The following KDM4C variants were observed in gnomAD, a reference collection of about 807,000 sequenced individuals.
KDM4C encodes lysine demethylase 4C, also known as lysine-specific demethylase 4C.
KDM4C carries 81 observed loss-of-function variants against 129.3 expected under a neutral mutation model. The ratio of observed to expected loss-of-function variants is 0.63; its 90% confidence interval spans 0.52 to 0.75. The LOEUF (loss-of-function observed/expected upper bound fraction) is 0.75, where lower values mean the gene tolerates loss of function less well. Among genes scored for constraint, KDM4C ranks in the 30% least tolerant of loss-of-function variants. The probability of loss-of-function intolerance (pLI) is 0.00; values close to 1 mark genes in which losing one functional copy is unlikely to be tolerated. For missense variants in KDM4C, 1,457 were observed against 1,304.0 expected, an observed-to-expected ratio of 1.12 and a Z score of -1.81; for synonymous variants, 573 against 456.1, an observed-to-expected ratio of 1.26 and a Z score of -3.26.
intron 15 of KDM4C, among the ~76,000 whole-genome samples, chr9:7,031,049 G>A (rs990832159): frequency 6.6e-6 from 1 of 151,900 alleles, no homozygotes; most frequent in Admixed American, 6.6e-5. Context: ...TCCCAAAATG[G>A]TTTTAAGAAA....
At chr9:6,806,945 C>T (rs1237123742) in intron 3 of KDM4C, among the ~76,000 whole-genome samples, 1 of 151,332 alleles carries the variant, frequency 6.6e-6, no homozygotes, top group African/African-American at 2.5e-5. Flanking sequence ...CCCTCTCATG[C>T]GGAGCGGAAG....
At chr9:7,020,140 A>AT (rs1474388933) in intron 15 of KDM4C, among the ~76,000 whole-genome samples, 5 of 152,156 alleles carry the variant, frequency 3.3e-5, no homozygotes, top group African/African-American at 1.2e-4. Flanking sequence ...TTAAAATAAA[A>AT]ACCAAAATAT....
chr9:7,154,330 G>C (rs1279609113), intron 19 of KDM4C, among the ~76,000 whole-genome samples: 1 of 152,240 alleles, frequency 6.6e-6, no homozygotes, highest in East Asian at 1.9e-4. Flanking sequence ...TTCTCCCCAA[G>C]GGGGACTGCC....
At chr9:6,923,396 C>CT (rs1417030701) in intron 8 of KDM4C, among the ~76,000 whole-genome samples, 2 of 151,930 alleles carry the variant, frequency 1.3e-5, no homozygotes, top group South Asian at 2.1e-4. Flanking sequence ...TTTATACTGA[C>CT]TTTTTTTCTG....
At chr9:6,996,640 G>A (rs1819801951) in intron 12 of KDM4C, among the ~76,000 whole-genome samples, 1 of 152,134 alleles carries the variant, frequency 6.6e-6, no homozygotes, top group Non-Finnish European at 1.5e-5. Context: ...CGTGAGCATG[G>A]CATTTGCTGA....
At chr9:6,968,169 C>A (rs1831330792) in intron 8 of KDM4C, among the ~76,000 whole-genome samples, 1 of 152,142 alleles carries the variant, frequency 6.6e-6, no homozygotes, top group South Asian at 2.1e-4. Context: ...ACCTTATGAA[C>A]TTAGAAAACT....
chr9:7,163,467 G>T (rs923357499), intron 19 of KDM4C, among the ~76,000 whole-genome samples: 4 of 152,140 alleles, frequency 2.6e-5, no homozygotes, highest in African/African-American at 9.7e-5. Flanking sequence ...AAGAGGGGGT[G>T]AAGATGAGCC....
chr9:7,160,490 T>C lies in KDM4C; in HGVS notation c.2782-4748T>C, dbSNP rs562263283. 1.1e-3 allele frequency among the ~76,000 whole-genome samples: 174 copies of C among 152,360 alleles called. 1 individual carries two copies. Among genetic ancestry groups the C allele is most frequent in the African/African-American group, 4.0e-3 (166 of 41,592 alleles). ...TTTATCTACCTTTGGTCTTTGATGT[T>C]GGTGACCTACAGATCGGGTTTTGGC... On this transcript the variant is annotated intron_variant, in intron 19 of 21. Coordinates refer to ENST00000381309, the MANE Select transcript of KDM4C (RefSeq NM_015061.6).
At chr9:6,814,119 C>G (rs1313059267) in intron 3 of KDM4C, among the ~76,000 whole-genome samples, 2 of 152,040 alleles carry the variant, frequency 1.3e-5, no homozygotes, top group Non-Finnish European at 2.9e-5. Context: ...GTTTTGCCAG[C>G]TTATATTCCC....
chr9:6,859,133 T>C (rs1840457997), intron 5 of KDM4C, among the ~76,000 whole-genome samples: 1 of 152,108 alleles, frequency 6.6e-6, no homozygotes, highest in South Asian at 2.1e-4. Flanking sequence ...TCCATTTCAT[T>C]TAGTGAAGTC....
intron 8 of KDM4C, among the ~76,000 whole-genome samples, chr9:6,917,340 T>C (rs909618757): frequency 2.6e-4 from 39 of 152,214 alleles, no homozygotes; most frequent in African/African-American, 8.9e-4. Context: ...TGGACCCCAG[T>C]AGGGTTTAAA....
chr9:6,931,508 T>TA (rs1563834808), intron 8 of KDM4C, among the ~76,000 whole-genome samples: 28 of 151,556 alleles, frequency 1.8e-4, no homozygotes, highest in South Asian at 4.2e-4. Context: ...ATATATATAT[T>TA]TTTTTTTCAT....
chr9:7,043,009 G>C (rs1461622204), intron 15 of KDM4C, among the ~76,000 whole-genome samples: 3 of 152,062 alleles, frequency 2.0e-5, no homozygotes, highest in Non-Finnish European at 4.4e-5. Flanking sequence ...GTCTAAACTA[G>C]TAAATATCTA....
At chr9:6,952,388 A>T (rs1303631997) in intron 8 of KDM4C, among the ~76,000 whole-genome samples, 1 of 145,446 alleles carries the variant, frequency 6.9e-6, no homozygotes, top group Non-Finnish European at 1.5e-5. Context: ...TGATATGGGA[A>T]ATTGTTCACA....
At chr9:6,928,763 T>C (rs1823097569) in intron 8 of KDM4C, among the ~76,000 whole-genome samples, 1 of 152,220 alleles carries the variant, frequency 6.6e-6, no homozygotes, top group African/African-American at 2.4e-5. Context: ...ACTTTTTAAC[T>C]ACCTTGGAGG....
intron 17 of KDM4C, among the ~76,000 whole-genome samples, chr9:7,058,754 C>G (rs1377690141): frequency 6.6e-6 from 1 of 152,176 alleles, no homozygotes; most frequent in African/African-American, 2.4e-5. Context: ...ATAGGAAATA[C>G]TTAGAAAGCA....
At chr9:7,164,892 A>G (rs1587955100) in intron 19 of KDM4C, among the ~76,000 whole-genome samples, 2 of 152,298 alleles carry the variant, frequency 1.3e-5, no homozygotes, top group South Asian at 4.2e-4. Context: ...TGCTATATAA[A>G]TGTCAGGTGT....
intron 17 of KDM4C, among the ~76,000 whole-genome samples, chr9:7,056,820 G>C (rs946575298): frequency 2.0e-5 from 3 of 152,184 alleles, no homozygotes; most frequent in Non-Finnish European, 2.9e-5. Flanking sequence ...GTCTGTGTGA[G>C]TAGTGATTAC....
chr9:6,925,493 A>G, intron 8 of KDM4C: 1 of 770,228 alleles, frequency 1.3e-6, no homozygotes, highest in Non-Finnish European at 1.5e-6. Flanking sequence ...ACATATTCTC[A>G]CCATCTTGCT....
Sources: allele counts gnomAD v4.1 joint callset (sites outside exome capture counted in the v4.1 genomes callset), GRCh38; gene constraint gnomAD v4.1.1; transcripts MANE v1.5; gene names NCBI Gene and HGNC (gene_info 2026-07-23, HGNC 2026-07-21).